Variants in RFC3 observed in about 807,000 individuals in gnomAD.
RFC3 encodes the protein A1 38 kDa subunit.
Under a neutral mutation model 45.1 loss-of-function variants are expected in RFC3, and 41 were observed. The observed-to-expected ratio is 0.91, with a 90% CI of 0.71 to 1.18. The LOEUF is 1.18. RFC3 is among the 50% of genes most tolerant of loss of function. The pLI is 0.00. For missense variants in RFC3, 423 were observed against 428.1 expected, an observed-to-expected ratio of 0.99 and a Z score of 0.10; for synonymous variants, 149 against 144.0, an observed-to-expected ratio of 1.03 and a Z score of -0.25.
At chr13:33,972,437 C>A in the RFC3 span, among the ~76,000 whole-genome samples, 3 of 152,106 alleles carry the variant, frequency 2.0e-5, no homozygotes, top group Non-Finnish European at 4.4e-5. Context: ...GATTGGAGTT[C>A]TTTTCTCATG....
intron 8 of RFC3, among the ~76,000 whole-genome samples, chr13:33,934,441 G>T (rs1386495254): frequency 6.6e-6 from 1 of 152,136 alleles, no homozygotes; most frequent in African/African-American, 2.4e-5. Context: ...GAACTAAAAA[G>T]AGAAATGCTT....
At chr13:33,835,391 A>G in intron 8 of RFC3, 174 bp downstream of exon 8, 1 of 739,798 alleles carries the variant, frequency 1.4e-6, no homozygotes, top group Non-Finnish European at 2.5e-6. Context: ...AATGCTGAAG[A>G]AAAGAAGGGA....
chr13:33,829,689 C>A, intron 4 of RFC3, 147 bp from the exon 5 acceptor site: 1 of 673,060 alleles, frequency 1.5e-6, no homozygotes. Context: ...TTTTACCATA[C>A]TTATAACTTT....
chr13:33,903,025 G>A (rs1261435942), intron 8 of RFC3, among the ~76,000 whole-genome samples: 1 of 152,048 alleles, frequency 6.6e-6, no homozygotes, highest in Non-Finnish European at 1.5e-5. Flanking sequence ...TGCGCCACCA[G>A]TTGGACAAGC....
rs369535043 is a variant in RFC3 at position 33,830,002 on chromosome 13, T to C, written c.558T>C (p.Ala186=). Residue 186 remains alanine (A), a synonymous_variant, in exon 5 of 9, where the codon GCT becomes GCC. Coordinates refer to ENST00000380071, the MANE Select transcript of RFC3 (RefSeq NM_002915.4). The part of the protein sequence containing the change: ...RSRCLAVRVP[A]PSIEDICHVL... ...GGTGCTTGGCGGTTCGTGTGCCTGC[T>C]CCCAGCATTGAAGATGTAGGTCAAG... The C allele has an allele frequency of 1.5e-5, 25 of 1,613,856 alleles. No individual in the cohort carries two copies. The South Asian group carries it at 2.3e-4, about 15-fold the overall frequency.
At chr13:33,900,833 C>CA (rs56329636) in intron 8 of RFC3, among the ~76,000 whole-genome samples, 3,945 of 140,842 alleles carry the variant, frequency 0.028, 105 homozygotes, top group African/African-American at 0.063. Flanking sequence ...AACTGAATAG[C>CA]AAAAAAAAAA....
Position 33,821,336 on chromosome 13 carries a change from G to GTC in RFC3, c.225+68_225+69dup, listed in dbSNP as rs1475663712. ...GGGACTTTCAGTCTTGGTCATGTAT[G>GTC]TCCCCCCAACTCAGTTGCTTCCTAA... On this transcript the variant is annotated intron_variant, in intron 2 of 8. Transcript: ENST00000380071. The GTC allele has an allele frequency of 2.8e-5, 42 of 1,483,438 alleles. No homozygotes were observed. In the East Asian group the frequency reaches 7.3e-4, roughly 26 times the overall value. The allele number at this position is 1,483,438 out of a possible 1,614,324, so 91.9% of individuals were successfully genotyped here.
chr13:33,838,717 T>C (rs766039429), downstream of RFC3, among the ~76,000 whole-genome samples: 1 of 152,146 alleles, frequency 6.6e-6, no homozygotes, highest in South Asian at 2.1e-4. Context: ...TTGTTAAACA[T>C]CTGGCTCCAC....
chr13:33,871,637 T>A (rs2082410447), intron 8 of RFC3, among the ~76,000 whole-genome samples: 1 of 152,230 alleles, frequency 6.6e-6, no homozygotes, highest in Non-Finnish European at 1.5e-5. Flanking sequence ...TGGACATCTC[T>A]GTAGGCCATT....
At chr13:33,847,457 C>T (rs1459939645) in intron 8 of RFC3, 1 of 152,066 alleles carries the variant, frequency 6.6e-6, no homozygotes, top group African/African-American at 2.4e-5. Context: ...TGCTTCACCT[C>T]CTCCTCCAGC....
intron 8 of RFC3, among the ~76,000 whole-genome samples, chr13:33,904,690 A>C (rs2082661481): frequency 6.6e-6 from 1 of 151,968 alleles, no homozygotes. Context: ...GCCCTTCCAC[A>C]ATCTGGCCTT....
chr13:33,837,678 A>C (rs1424404147), downstream of RFC3, among the ~76,000 whole-genome samples: 3 of 151,956 alleles, frequency 2.0e-5, no homozygotes, highest in Admixed American at 2.0e-4. Flanking sequence ...TTCCTATAGT[A>C]TTGGTTTTAT....
chr13:33,972,177 C>A, the RFC3 span, among the ~76,000 whole-genome samples: 1 of 152,162 alleles, frequency 6.6e-6, no homozygotes, highest in Non-Finnish European at 1.5e-5. Flanking sequence ...CCAACTTTTT[C>A]AATTTGTTTT....
At chr13:33,966,541 G>A in exon 9 of RFC3, 1 of 175,558 alleles carries the variant, frequency 5.7e-6, no homozygotes, top group Non-Finnish European at 1.2e-5. Flanking sequence ...AAATGATATT[G>A]TTACTTTCTC....
intron 8 of RFC3, among the ~76,000 whole-genome samples, chr13:33,941,637 C>T (rs1159629652): frequency 2.0e-5 from 3 of 152,124 alleles, no homozygotes; most frequent in Admixed American, 6.5e-5. Context: ...TTTCTTTCTT[C>T]GAAGCTGCCT....
intron 8 of RFC3, among the ~76,000 whole-genome samples, chr13:33,873,424 C>G (rs1196364385): frequency 6.6e-6 from 1 of 152,214 alleles, no homozygotes; most frequent in Non-Finnish European, 1.5e-5. Context: ...TCCAAATACT[C>G]TGCTGTTTTG....
At chr13:33,960,554 G>T (rs773159663) in intron 8 of RFC3, among the ~76,000 whole-genome samples, 7 of 152,194 alleles carry the variant, frequency 4.6e-5, no homozygotes, top group African/African-American at 9.6e-5. Context: ...TACAAGGACT[G>T]GGCATCCTTC....
intron 8 of RFC3, among the ~76,000 whole-genome samples, chr13:33,951,665 G>A (rs1006306758): frequency 3.3e-5 from 5 of 152,162 alleles, no homozygotes. Context: ...TGGAATAAAG[G>A]AAAGGTTTAG....
At chr13:33,886,243 A>C (rs1195965010) in intron 8 of RFC3, among the ~76,000 whole-genome samples, 1 of 152,138 alleles carries the variant, frequency 6.6e-6, no homozygotes. Flanking sequence ...ACTTTTTTCT[A>C]GATTTTAAGA....
Sources: gnomAD v4.1 joint callset for allele counts (sites outside exome capture counted in the v4.1 genomes callset) on GRCh38, gnomAD v4.1.1 for gene constraint, MANE v1.5 for transcripts, NCBI Gene and HGNC (gene_info 2026-07-23, HGNC 2026-07-21) for gene names.